Variants in LIN7A observed in about 807,000 individuals in gnomAD.
LIN7A encodes lin-7 cell polarity scaffold A, also known as protein lin-7 homolog A.
A neutral mutation model predicts 29.8 loss-of-function variants in LIN7A; 25 were observed. The observed-to-expected ratio is 0.84, with a 90% CI of 0.61 to 1.17. LIN7A has a LOEUF of 1.17. LIN7A is among the 50% of genes most tolerant of loss of function. The pLI is 0.00. For missense variants in LIN7A, 239 were observed against 287.0 expected (o/e 0.83, Z 1.21); for synonymous variants, 118 against 107.5 (o/e 1.10, Z -0.60).
chr12:80,896,317 G>A (rs1436586710), intron 1 of LIN7A, among the ~76,000 whole-genome samples: 1 of 152,176 alleles, frequency 6.6e-6, no homozygotes, highest in African/African-American at 2.4e-5. Context: ...TAGTAACAGT[G>A]ATGTCCTGGT....
At chr12:80,861,812 G>C (rs1246953657) in intron 2 of LIN7A, among the ~76,000 whole-genome samples, 1 of 152,216 alleles carries the variant, frequency 6.6e-6, no homozygotes. Context: ...TCAGAAAACA[G>C]ACATGACTTA....
intron 1 of LIN7A, 70 bp downstream of exon 1, chr12:80,937,571 G>T: frequency 1.7e-6 from 2 of 1,178,534 alleles, no homozygotes; most frequent in Non-Finnish European, 2.3e-6. Context: ...GTCCCGTTGG[G>T]AATTGGCAGG....
intron 4 of LIN7A, among the ~76,000 whole-genome samples, chr12:80,816,949 A>G (rs1274113458): frequency 6.6e-6 from 1 of 152,116 alleles, no homozygotes; most frequent in African/African-American, 2.4e-5. Flanking sequence ...TTGTATTTTT[A>G]GTAAAGACAG....
chr12:80,832,287 C>G lies in LIN7A; in HGVS notation c.483+13443G>C, dbSNP rs1023506655. 2.0e-5 allele frequency among the ~76,000 whole-genome samples: 3 copies of G among 152,228 alleles called. No individual in the cohort carries two copies. The East Asian group carries it at 5.8e-4, about 29-fold the overall frequency. On this transcript the variant is annotated intron_variant, in intron 4 of 5. Coordinates refer to ENST00000552864, the MANE Select transcript of LIN7A (RefSeq NM_004664.4). ...TGATCTACGTTTTCTTTAAACTGTT[C>G]CTTTCCCAGTGCCAGACATGGTACC... is the stretch of plus-strand genomic sequence containing the variant.
intron 3 of LIN7A, among the ~76,000 whole-genome samples, chr12:80,847,358 CT>C (rs1873126320): frequency 6.6e-6 from 1 of 151,846 alleles, no homozygotes; most frequent in South Asian, 2.1e-4. Context: ...CTTTTTTTCC[CT>C]GAGTTTAAAC....
chr12:80,828,341 C>T (rs1872182834), intron 4 of LIN7A, among the ~76,000 whole-genome samples: 1 of 151,832 alleles, frequency 6.6e-6, no homozygotes, highest in Admixed American at 6.6e-5. Flanking sequence ...ACTAAATGTC[C>T]ATCAACAGGG....
At chr12:80,818,750 C>A (rs1372596140) in intron 4 of LIN7A, among the ~76,000 whole-genome samples, 1 of 152,142 alleles carries the variant, frequency 6.6e-6, no homozygotes, top group African/African-American at 2.4e-5. Context: ...AAACTCTGAT[C>A]CAGCCAGTCA....
intron 2 of LIN7A, among the ~76,000 whole-genome samples, chr12:80,885,676 C>A (rs1345609299): frequency 6.6e-6 from 1 of 151,996 alleles, no homozygotes; most frequent in Non-Finnish European, 1.5e-5. Context: ...AGATGGTCTT[C>A]ATTCAGTACT....
intron 1 of LIN7A, among the ~76,000 whole-genome samples, chr12:80,927,691 CTG>C (rs1877678426): frequency 6.6e-6 from 1 of 152,160 alleles, no homozygotes; most frequent in Non-Finnish European, 1.5e-5. Context: ...AAACTGCTAA[CTG>C]TGAATTTGTT....
chr12:80,847,248 A>G (rs1366348756), intron 3 of LIN7A, among the ~76,000 whole-genome samples: 1 of 152,176 alleles, frequency 6.6e-6, no homozygotes, highest in Non-Finnish European at 1.5e-5. Context: ...AAAACACTAC[A>G]CAATTCACTT....
chr12:80,909,005 A>T (rs755911704), intron 1 of LIN7A, among the ~76,000 whole-genome samples: 11 of 152,140 alleles, frequency 7.2e-5, no homozygotes, highest in Admixed American at 1.3e-4. Context: ...TTCTATTATG[A>T]TACGTGCTTT....
intron 1 of LIN7A, among the ~76,000 whole-genome samples, chr12:80,905,480 TACAG>T (rs773789173): frequency 3.0e-4 from 46 of 152,316 alleles, no homozygotes; most frequent in African/African-American, 9.6e-4. Flanking sequence ...TAATAGATAA[TACAG>T]ACACAAACAT....
intron 1 of LIN7A, among the ~76,000 whole-genome samples, chr12:80,899,757 C>CT (rs1276941304): frequency 2.7e-5 from 2 of 75,426 alleles, no homozygotes; most frequent in Non-Finnish European, 8.2e-5. Context: ...TCTAGGTTTT[C>CT]TTTTTTTCTT....
intron 2 of LIN7A, among the ~76,000 whole-genome samples, chr12:80,873,653 G>T (rs1172055685): frequency 6.6e-6 from 1 of 151,856 alleles, no homozygotes; most frequent in African/African-American, 2.4e-5. Flanking sequence ...TTATGCTTTT[G>T]TTGGCTATCT....
At chr12:80,802,530 AG>A (rs1462747834) in intron 5 of LIN7A, among the ~76,000 whole-genome samples, 1 of 152,194 alleles carries the variant, frequency 6.6e-6, no homozygotes, top group African/African-American at 2.4e-5. Flanking sequence ...TTAGTTTTTG[AG>A]GACCCTCCTC....
At chr12:80,806,728 C>A (rs914346342) in intron 5 of LIN7A, among the ~76,000 whole-genome samples, 6 of 152,132 alleles carry the variant, frequency 3.9e-5, no homozygotes, top group African/African-American at 1.4e-4. Context: ...TAAGAATTAG[C>A]AAGTGTGACA....
chr12:80,813,833 G>A (rs888645401), intron 4 of LIN7A, among the ~76,000 whole-genome samples: 1 of 152,072 alleles, frequency 6.6e-6, no homozygotes, highest in South Asian at 2.1e-4. Flanking sequence ...GGATTGAACT[G>A]CCAAGGCCTT....
chr12:80,937,584 G>A lies in LIN7A; in HGVS notation c.82+57C>T, dbSNP rs1052673751. ...ATGTCCCGTTGGGAATTGGCAGGCG[G>A]GGAAGGGAGGAGGGGAGAGGGGACG... On this transcript the variant is annotated intron_variant, in intron 1 of 5. Coordinates refer to ENST00000552864, the MANE Select transcript of LIN7A (RefSeq NM_004664.4). 4.7e-6 allele frequency: 6 copies of A among 1,264,248 alleles called. No individual in the cohort carries two copies. The African/African-American group carries it at 9.3e-5, about 20-fold the overall frequency. The allele number at this position is 1,264,248 out of a possible 1,614,324, so 78.3% of individuals were successfully genotyped here.
chr12:80,798,387 T>C (rs1870554159), intron 5 of LIN7A, among the ~76,000 whole-genome samples: 1 of 152,218 alleles, frequency 6.6e-6, no homozygotes, highest in Non-Finnish European at 1.5e-5. Context: ...AAGCACCATA[T>C]TGAAAACAGA....
Sources: allele counts gnomAD v4.1 joint callset (sites outside exome capture counted in the v4.1 genomes callset), GRCh38; gene constraint gnomAD v4.1.1; transcripts MANE v1.5; gene names NCBI Gene and HGNC (gene_info 2026-07-23, HGNC 2026-07-21).